The following NTRK2 variants were observed in gnomAD, a reference collection of about 807,000 sequenced individuals.
NTRK2 encodes the protein BDNF/NT-3 growth factors receptor.
In NTRK2, 13 loss-of-function variants were observed where a neutral mutation model predicts 94.5. That is an observed-to-expected ratio of 0.14 (90% CI 0.09 to 0.22). The LOEUF is 0.22. NTRK2 is among the 10% of genes least tolerant of loss of function. The probability of loss-of-function intolerance (pLI) is 1.00; values close to 1 mark genes in which losing one functional copy is unlikely to be tolerated. For missense variants in NTRK2, 639 were observed against 1,071.2 expected, an observed-to-expected ratio of 0.60 and a Z score of 5.63; for synonymous variants, 372 against 407.4, an observed-to-expected ratio of 0.91 and a Z score of 1.05.
intron 14 of NTRK2, chr9:84,876,105 C>A: frequency 1.9e-6 from 2 of 1,035,914 alleles, no homozygotes; most frequent in Non-Finnish European, 1.2e-6. Flanking sequence ...CATTTTTTAA[C>A]CATGCCATTG....
chr9:84,818,668 T>C lies in NTRK2; in HGVS notation c.1397-42372T>C, dbSNP rs544878262. On this transcript the variant is annotated intron_variant, in intron 12 of 18. Coordinates refer to ENST00000277120, the MANE Select transcript of NTRK2 (RefSeq NM_006180.6). ...TATAACTGAAGATGGATTTGCTGTT[T>C]TTTATTGCCTTCAGGTGAATTTTCT... Among the ~76,000 whole-genome samples, 20 of 152,336 alleles carry C rather than the reference T, an allele frequency of 1.3e-4. 1 individual carries two copies. The highest frequency in any genetic ancestry group is 4.6e-4 in the African/African-American group (19 of 41,572).
At chr9:84,711,680 C>T (rs970863297) in intron 6 of NTRK2, among the ~76,000 whole-genome samples, 14 of 152,256 alleles carry the variant, frequency 9.2e-5, no homozygotes, top group African/African-American at 2.4e-4. Flanking sequence ...CACAAACAAC[C>T]GATTCTTTGT....
rs574332237 is a variant in NTRK2 at position 84,987,608 on chromosome 9, T to C, written c.2172+32091T>C. ...AAATCAGTGACACCAAGTTGAACAGTTTAAAAATTATTTTTCTTAGCAGAA... is the reference window on the plus strand; with the variant it reads ...AAATCAGTGACACCAAGTTGAACAGCTTAAAAATTATTTTTCTTAGCAGAA... On this transcript the variant is annotated intron_variant, in intron 17 of 18. Coordinates refer to ENST00000277120, the MANE Select transcript of NTRK2 (RefSeq NM_006180.6). Among the ~76,000 whole-genome samples the C allele has an allele frequency of 1.1e-4, 16 of 152,292 alleles. No homozygotes were observed. In the South Asian group the frequency reaches 2.9e-3, roughly 28 times the overall value.
chr9:84,704,653 A>G (rs2060936460), intron 4 of NTRK2, among the ~76,000 whole-genome samples: 1 of 152,180 alleles, frequency 6.6e-6, no homozygotes, highest in African/African-American at 2.4e-5. Flanking sequence ...TGAAGAAGCA[A>G]TTGTTGGGAT....
rs553274540 is a variant in NTRK2 at position 84,778,088 on chromosome 9, G to A, written c.1396+26003G>A. Among the ~76,000 whole-genome samples the A allele has an allele frequency of 2.4e-4, 37 of 152,182 alleles. No homozygotes were observed. In the East Asian group the frequency reaches 3.1e-3, roughly 13 times the overall value. On this transcript the variant is annotated intron_variant, in intron 12 of 18. Coordinates refer to ENST00000277120, the MANE Select transcript of NTRK2 (RefSeq NM_006180.6). ...ACCAGCCTGGGCAAAATGACAAAGCGCTGTCCCTACAAAAAGTTACAAAAA... is the reference window on the plus strand; with the variant it reads ...ACCAGCCTGGGCAAAATGACAAAGCACTGTCCCTACAAAAAGTTACAAAAA...
chr9:84,672,526 G>T (rs759103834), intron 2 of NTRK2, among the ~76,000 whole-genome samples: 3 of 152,160 alleles, frequency 2.0e-5, no homozygotes, highest in Non-Finnish European at 4.4e-5. Flanking sequence ...AGGCCATATG[G>T]AATTCAGAGT....
intron 17 of NTRK2, among the ~76,000 whole-genome samples, chr9:84,980,207 T>G: frequency 6.6e-6 from 1 of 152,226 alleles, no homozygotes. Context: ...TGTTTATATT[T>G]TTGATGGCTA....
chr9:84,932,981 C>T (rs186179806), intron 14 of NTRK2, among the ~76,000 whole-genome samples: 1 of 152,280 alleles, frequency 6.6e-6, no homozygotes, highest in Non-Finnish European at 1.5e-5. Flanking sequence ...CAGACAGACT[C>T]GGGTTCAAAT....
At chr9:84,810,761 C>T in intron 12 of NTRK2, 3 of 1,457,390 alleles carry the variant, frequency 2.1e-6, no homozygotes, top group Non-Finnish European at 2.7e-6. Flanking sequence ...ATACTGTGAG[C>T]TGTGATTGGG....
intron 12 of NTRK2, among the ~76,000 whole-genome samples, chr9:84,758,545 C>A (rs2065273360): frequency 6.6e-6 from 1 of 152,126 alleles, no homozygotes; most frequent in South Asian, 2.1e-4. Flanking sequence ...GCGTGCGCTA[C>A]CACGCCCGGC....
chr9:84,983,122 G>C (rs147994140), intron 17 of NTRK2, among the ~76,000 whole-genome samples: 2 of 152,092 alleles, frequency 1.3e-5, no homozygotes, highest in African/African-American at 4.8e-5. Context: ...CAGCATCCTC[G>C]GTTCTAGTCT....
chr9:84,915,239 C>T (rs1389626922), intron 14 of NTRK2, among the ~76,000 whole-genome samples: 1 of 152,062 alleles, frequency 6.6e-6, no homozygotes, highest in African/African-American at 2.4e-5. Context: ...GGTTGGGGAC[C>T]CTTGGCTTAG....
Position 84,744,729 on chromosome 9 carries a change from G to C in NTRK2, c.1196-244G>C, listed in dbSNP as rs2063916204. On this transcript the variant is annotated intron_variant, in intron 10 of 18. Coordinates refer to ENST00000277120, the MANE Select transcript of NTRK2 (RefSeq NM_006180.6). ...AAGAAAAATCCCTGAACCAGGTTTG[G>C]GGCTGACCAACAAGACAATGATGTA... Among the ~76,000 whole-genome samples, 2 of 152,054 alleles carry C rather than the reference G, an allele frequency of 1.3e-5. 1 individual carries two copies. Among genetic ancestry groups the C allele is most frequent in the Admixed American group, 1.3e-4 (2 of 15,242 alleles).
chr9:84,883,360 A>C (rs976498031), intron 14 of NTRK2, among the ~76,000 whole-genome samples: 15 of 152,132 alleles, frequency 9.9e-5, no homozygotes, highest in African/African-American at 3.6e-4. Context: ...TTGCTGATAC[A>C]TGGTTACCCT....
chr9:84,852,654 A>C (rs1361408427), intron 12 of NTRK2, among the ~76,000 whole-genome samples: 1 of 152,240 alleles, frequency 6.6e-6, no homozygotes, highest in African/African-American at 2.4e-5. Context: ...AGAGATGTAA[A>C]AAACTCAGTG....
chr9:84,858,610 C>A (rs1341477989), intron 12 of NTRK2, among the ~76,000 whole-genome samples: 1 of 151,930 alleles, frequency 6.6e-6, no homozygotes, highest in Admixed American at 6.6e-5. Context: ...GCCTCCCAAC[C>A]CTCCGTTGGA....
At chr9:84,727,510 C>A in intron 8 of NTRK2, 144 bp from the exon 9 acceptor site, 1 of 786,126 alleles carries the variant, frequency 1.3e-6, no homozygotes, top group Non-Finnish European at 2.1e-6. Flanking sequence ...ATACAAAATA[C>A]TGATGGATTC....
At chr9:84,870,580 T>C (rs891219777) in intron 14 of NTRK2, among the ~76,000 whole-genome samples, 7 of 151,594 alleles carry the variant, frequency 4.6e-5, no homozygotes, top group Non-Finnish European at 4.4e-5. Context: ...CTTGAACTCC[T>C]GGACTCAAGT....
intron 14 of NTRK2, among the ~76,000 whole-genome samples, chr9:84,919,654 C>T (rs1347064208): frequency 6.6e-6 from 1 of 152,168 alleles, no homozygotes; most frequent in Non-Finnish European, 1.5e-5. Context: ...GCTGCGAGAA[C>T]AGAAGGCCCC....
Sources: gnomAD v4.1 joint callset for allele counts (sites outside exome capture counted in the v4.1 genomes callset) on GRCh38, gnomAD v4.1.1 for gene constraint, MANE v1.5 for transcripts, NCBI Gene and HGNC (gene_info 2026-07-23, HGNC 2026-07-21) for gene names.